The following CELF5 variants were observed in gnomAD, a reference collection of about 807,000 sequenced individuals.
CELF5 encodes CUG-BP and ETR-3 like factor 5.
In CELF5, 6 loss-of-function variants were observed where a neutral mutation model predicts 54.9. The ratio of observed to expected loss-of-function variants is 0.11; its 90% CI spans 0.06 to 0.22. The LOEUF (loss-of-function observed/expected upper bound fraction) is 0.22, where lower values mean the gene tolerates loss of function less well. Ranked by LOEUF, CELF5 falls within the 10% of genes least tolerant of loss-of-function variation. The pLI is 1.00. For synonymous variants in CELF5, 271 were observed against 290.9 expected (o/e 0.93, Z 0.70); for missense variants, 401 against 678.6 (o/e 0.59, Z 4.54).
chr19:3,286,139 C>G, intron 10 of CELF5, 114 bp downstream of exon 10: 1 of 931,746 alleles, frequency 1.1e-6, no homozygotes. Flanking sequence ...GAGAGTGCGG[C>G]CTGGGGGCTG....
At chr19:3,225,559 AG>A in intron 1 of CELF5, 1 of 968,372 alleles carries the variant, frequency 1.0e-6, no homozygotes, top group Non-Finnish European at 1.2e-6. Context: ...TCACAAAGCC[AG>A]GCCGGCGGGG....
Position 3,281,336 on chromosome 19 carries a change from C to T in CELF5, c.741C>T (p.Tyr247=), listed in dbSNP as rs769077067. The change falls in exon 6 of 13, where the codon TAC becomes TAT. Residue 247 remains tyrosine (Y), a synonymous_variant. Coordinates refer to ENST00000292672, the MANE Select transcript of CELF5 (RefSeq NM_021938.4). This position sits in a 1 kb window ranked among gnomAD's most constrained non-coding sequence, Gnocchi z 6.5. ...TGCCCTTCAGCCCCTACAGTGCCTA[C>T]GCCCAGGCTGTGAGTGACCCAGTGA... ...LTLPFSPYSA[Y]AQALMQQQTT... The T allele has an allele frequency of 2.5e-6, 4 of 1,605,748 alleles. No homozygotes were observed. Among genetic ancestry groups the T allele is most frequent in the South Asian group, 1.1e-5 (1 of 91,002 alleles).
At chr19:3,287,660 G>A (rs958392732) in intron 10 of CELF5, among the ~76,000 whole-genome samples, 1 of 150,652 alleles carries the variant, frequency 6.6e-6, no homozygotes, top group African/African-American at 2.4e-5. Flanking sequence ...GGCCACGGCA[G>A]GAGGGTCACT....
chr19:3,245,611 C>G (rs1281468061), intron 1 of CELF5, among the ~76,000 whole-genome samples: 2 of 151,558 alleles, frequency 1.3e-5, no homozygotes, highest in Non-Finnish European at 2.9e-5. Context: ...GTTTTTTACC[C>G]TTATTTTACA....
intron 2 of CELF5, among the ~76,000 whole-genome samples, chr19:3,266,803 G>A (rs577284002): frequency 1.2e-3 from 184 of 151,370 alleles, no homozygotes; most frequent in African/African-American, 4.3e-3. Context: ...GGGCGGATGG[G>A]GGCTGCTGGG....
At chr19:3,256,534 TTTATTATTATTATTA>T (rs58462515) in intron 2 of CELF5, among the ~76,000 whole-genome samples, 25,086 of 144,500 alleles carry the variant, frequency 0.17, 2,638 homozygotes, top group East Asian at 0.54. Context: ...GGAGGTTTCA[TTTATTATTATTATTA>T]TTATTATTAT....
chr19:3,280,114 A>G (rs2145257042), intron 5 of CELF5, among the ~76,000 whole-genome samples: 1 of 152,262 alleles, frequency 6.6e-6, no homozygotes, highest in Middle Eastern at 3.4e-3. Context: ...CTGTTGGTGG[A>G]TTTCAGCCCA....
intron 1 of CELF5, 130 bp from the exon 2 acceptor site, chr19:3,250,855 G>C: frequency 1.5e-6 from 1 of 651,146 alleles, no homozygotes; most frequent in South Asian, 1.9e-5. Context: ...GGATGCACCA[G>C]GTTGTGTAGA....
At chr19:3,234,167 C>T (rs1917410193) in intron 1 of CELF5, among the ~76,000 whole-genome samples, 1 of 152,004 alleles carries the variant, frequency 6.6e-6, no homozygotes. Flanking sequence ...AATGGAGGCC[C>T]AGGTAGAGGA....
intron 2 of CELF5, among the ~76,000 whole-genome samples, chr19:3,255,970 C>G (rs138152290): frequency 6.6e-6 from 1 of 151,632 alleles, no homozygotes; most frequent in Admixed American, 6.6e-5. Flanking sequence ...GAGGCTGAGG[C>G]AGGAGAATCA....
intron 2 of CELF5, among the ~76,000 whole-genome samples, chr19:3,254,246 T>C (rs925452040): frequency 1.3e-5 from 2 of 152,260 alleles, no homozygotes; most frequent in African/African-American, 4.8e-5. Context: ...GGTCAGCCCA[T>C]AAATTCATAG....
At chr19:3,225,670 CGCCTCGCCT>C in intron 1 of CELF5, 1 of 882,884 alleles carries the variant, frequency 1.1e-6, no homozygotes, top group Non-Finnish European at 1.4e-6. Context: ...GGGACGCGCC[CGCCTCGCCT>C]GCCTCGGGTG....
chr19:3,275,755 C>T lies in CELF5; in HGVS notation c.395-101C>T. ...AGCCGGCAGGGCCCGGGCGCCGCGTCTTCCTGCCCTGCCGCCTCCACTCTG... is the reference window on the plus strand; with the variant it reads ...AGCCGGCAGGGCCCGGGCGCCGCGTTTTCCTGCCCTGCCGCCTCCACTCTG... On this transcript the variant is annotated intron_variant, in intron 3 of 12. Transcript: ENST00000292672. The surrounding 1 kb of genome is among the most constrained non-coding windows in gnomAD (Gnocchi z 6.7). 2.3e-6 allele frequency: 3 copies of T among 1,326,208 alleles called. No homozygotes were observed. The highest frequency in any genetic ancestry group is 3.0e-6 in the Non-Finnish European group (3 of 994,994). The allele number at this position is 1,326,208 out of a possible 1,614,324, so 82.2% of individuals were successfully genotyped here. A position where few individuals can be genotyped will look rare whatever the true frequency, so the allele number is the denominator to read the frequency against.
chr19:3,230,315 G>A (rs993365754), intron 1 of CELF5, among the ~76,000 whole-genome samples: 8 of 152,252 alleles, frequency 5.3e-5, no homozygotes, highest in South Asian at 2.1e-4. Flanking sequence ...TTGAAGGATC[G>A]ACAGGAGCTT....
chr19:3,295,740 A>G (rs2080429403), intron 12 of CELF5: 2 of 153,136 alleles, frequency 1.3e-5, no homozygotes, highest in Non-Finnish European at 2.9e-5. Flanking sequence ...CGGGATGGAT[A>G]TAGGTACAAC....
In CELF5 at chr19:3,228,411, C is replaced by CCGGGGCCCTTGG. The variant is rs1278044470; in HGVS notation, c.259+3413_259+3414insCGGGGCCCTTGG. ...GTTCCTGCCCCGGGGACCCTCCCTC[C>CCGGGGCCCTTGG]AAGGCAGGCACCTCTGGAGCTGTGG... On this transcript the variant is annotated intron_variant, in intron 1 of 12. Coordinates refer to ENST00000292672, the MANE Select transcript of CELF5 (RefSeq NM_021938.4). This position sits in a 1 kb window ranked among gnomAD's most constrained non-coding sequence, Gnocchi z 6.0. Among the ~76,000 whole-genome samples, 1 of 152,194 alleles carries CCGGGGCCCTTGG rather than the reference C, an allele frequency of 6.6e-6. No homozygotes were observed. Among genetic ancestry groups the CCGGGGCCCTTGG allele is most frequent in the Non-Finnish European group, 1.5e-5 (1 of 68,026 alleles).
intron 1 of CELF5, among the ~76,000 whole-genome samples, chr19:3,234,028 T>A (rs1285485812): frequency 6.6e-6 from 1 of 152,148 alleles, no homozygotes; most frequent in African/African-American, 2.4e-5. Context: ...CCAGCAGCCT[T>A]TGAGGGTGGG....
At position 3,282,368 on chromosome 19, in the gene CELF5, G is replaced by A. The variant is rs146603845; in HGVS notation, c.909G>A (p.Pro303=). ...IAPASGLHSP[P]LLGTTAVPGL... ...GCTCTGCAGGGCTGCACTCACCCCC[G>A]CTGCTGGGCACCACCGCTGTGCCTG... Residue 303 remains proline (P), a synonymous_variant, in exon 8 of 13, where the codon CCG becomes CCA. Transcript: ENST00000292672. The surrounding 1 kb of genome is among the most constrained non-coding windows in gnomAD (Gnocchi z 5.2). The A allele has an allele frequency of 4.8e-5, 77 of 1,609,864 alleles. No homozygotes were observed. The highest frequency in any genetic ancestry group is 2.7e-4 in the South Asian group (25 of 91,040).
intron 1 of CELF5, among the ~76,000 whole-genome samples, chr19:3,240,500 G>T (rs1415213942): frequency 1.3e-5 from 2 of 151,554 alleles, no homozygotes; most frequent in African/African-American, 4.9e-5. Flanking sequence ...GCTAGTTTTT[G>T]TATTTTTAGT....
Sources: allele counts gnomAD v4.1 joint callset (sites outside exome capture counted in the v4.1 genomes callset), GRCh38; gene constraint gnomAD v4.1.1; non-coding constraint Gnocchi (gnomAD v3.1); transcripts MANE v1.5; gene names NCBI Gene and HGNC (gene_info 2026-07-23, HGNC 2026-07-21).